Variants in DMD observed in about 807,000 individuals in gnomAD.
DMD encodes mutant dystrophin.
DMD carries 63 observed loss-of-function variants against 330.1 expected under a neutral mutation model. That is an observed-to-expected ratio of 0.19 (90% CI 0.16 to 0.24). DMD has a LOEUF of 0.24. DMD is among the 10% of genes least tolerant of loss of function. The pLI is 1.00. For synonymous variants in DMD, 1,223 were observed against 959.8 expected (o/e 1.27, Z -5.07); for missense variants, 3,344 against 2,684.1 (o/e 1.25, Z -5.43).
In DMD at chrX:32,045,083, T is replaced by C. The variant is rs1299281004; in HGVS notation, c.6439-76569A>G. Reference sequence around the variant, plus strand: ...GTGAGTGAGTTTTCATGAGATCTGGTTTTTTTTTAAAGTGTGTGGGCATCA... The same window carrying C: ...GTGAGTGAGTTTTCATGAGATCTGGCTTTTTTTTAAAGTGTGTGGGCATCA... On this transcript the variant is annotated intron_variant, in intron 44 of 78. Coordinates refer to ENST00000357033, the MANE Select transcript of DMD (RefSeq NM_004006.3). Among the ~76,000 whole-genome samples the C allele has an allele frequency of 5.7e-4, 60 of 105,425 alleles. No individual in the cohort carries two copies. The Admixed American group carries it at 5.7e-3, about 10-fold the overall frequency. The allele number at this position is 105,425 out of a possible 115,157, so 91.5% of individuals were successfully genotyped here. A position where few individuals can be genotyped will look rare whatever the true frequency, so the allele number is the denominator to read the frequency against.
intron 44 of DMD, among the ~76,000 whole-genome samples, chrX:31,996,364 G>A (rs1198054947): frequency 9.0e-6 from 1 of 111,474 alleles, no homozygotes; most frequent in African/African-American, 3.3e-5. Flanking sequence ...CACTAATTTA[G>A]TCTCCAAACA....
intron 44 of DMD, among the ~76,000 whole-genome samples, chrX:32,037,722 A>G (rs1297152015): frequency 9.0e-6 from 1 of 111,648 alleles, no homozygotes; most frequent in African/African-American, 3.3e-5. Flanking sequence ...CGTGCCATGC[A>G]CACGGTCAAT....
chrX:32,125,299 C>T (rs916715726), intron 44 of DMD, among the ~76,000 whole-genome samples: 1 of 111,151 alleles, frequency 9.0e-6, no homozygotes, highest in Non-Finnish European at 1.9e-5. Flanking sequence ...ATCAGTAGGA[C>T]CAGGTGACAG....
chrX:33,285,962 T>C, intron 1 of DMD, among the ~76,000 whole-genome samples: 1 of 112,185 alleles, frequency 8.9e-6, no homozygotes, highest in Non-Finnish European at 1.9e-5. Context: ...AAAGACATTA[T>C]TGATATTTAC....
At chrX:32,952,215 C>T (rs960741720) in intron 2 of DMD, among the ~76,000 whole-genome samples, 2 of 109,549 alleles carry the variant, frequency 1.8e-5, no homozygotes, top group African/African-American at 3.3e-5. Flanking sequence ...TTCACTGCAA[C>T]CTCTGCCTCC....
intron 64 of DMD, among the ~76,000 whole-genome samples, chrX:31,210,070 A>T (rs775774593): frequency 5.4e-5 from 6 of 111,986 alleles, no homozygotes; most frequent in Non-Finnish European, 9.4e-5. Context: ...AGAAATTTTT[A>T]AAGAGATCCG....
intron 67 of DMD, among the ~76,000 whole-genome samples, chrX:31,202,913 G>T (rs752627301): frequency 3.7e-4 from 42 of 112,484 alleles, no homozygotes; most frequent in Non-Finnish European, 7.1e-4. Flanking sequence ...ACACGCCTGA[G>T]AATTGATCCT....
chrX:32,190,245 T>C (rs1288584475), intron 44 of DMD, among the ~76,000 whole-genome samples: 1 of 110,597 alleles, frequency 9.0e-6, no homozygotes, highest in African/African-American at 3.3e-5. Context: ...CGTAGATCAA[T>C]TGTCATCTTC....
chrX:33,002,052 T>C (rs1040516159), intron 2 of DMD, among the ~76,000 whole-genome samples: 2 of 111,537 alleles, frequency 1.8e-5, no homozygotes, highest in African/African-American at 3.3e-5. Context: ...AGAAATTATA[T>C]TGCCTATTCA....
chrX:32,572,550 GTT>G (rs34204984), intron 15 of DMD, among the ~76,000 whole-genome samples: 9,729 of 96,662 alleles, frequency 0.1, 494 homozygotes, highest in Admixed American at 0.2. Context: ...AAACTTTAGA[GTT>G]TTTTTTTTTT....
chrX:32,014,538 T>C (rs768009848), intron 44 of DMD, among the ~76,000 whole-genome samples: 5 of 111,808 alleles, frequency 4.5e-5, no homozygotes, highest in African/African-American at 6.5e-5. Context: ...TCACATATTA[T>C]GACCTGGGAA....
At chrX:31,547,916 C>T (rs1452888188) in intron 55 of DMD, among the ~76,000 whole-genome samples, 1 of 111,826 alleles carries the variant, frequency 8.9e-6, no homozygotes, top group African/African-American at 3.2e-5. Flanking sequence ...CCATCTCTCC[C>T]TTTGGCCTCT....
At chrX:33,140,302 T>A (rs1170903706) in intron 1 of DMD, among the ~76,000 whole-genome samples, 1 of 112,031 alleles carries the variant, frequency 8.9e-6, no homozygotes, top group African/African-American at 3.2e-5. Flanking sequence ...TAAGGGACAG[T>A]GTACAGTTTG....
chrX:32,616,477 C>T (rs959314627), intron 11 of DMD, among the ~76,000 whole-genome samples: 1 of 110,681 alleles, frequency 9.0e-6, no homozygotes, highest in Non-Finnish European at 1.9e-5. Context: ...CTAGTTTTTG[C>T]TTTGGATTTT....
intron 60 of DMD, among the ~76,000 whole-genome samples, chrX:31,383,293 G>A (rs1442264407): frequency 2.7e-5 from 3 of 111,654 alleles, no homozygotes; most frequent in South Asian, 3.8e-4. Context: ...GACTCAGCTC[G>A]CCTGCGCCCA....
chrX:32,298,648 A>G (rs1195000841), intron 42 of DMD, among the ~76,000 whole-genome samples: 1 of 110,366 alleles, frequency 9.1e-6, no homozygotes, highest in Non-Finnish European at 1.9e-5. Flanking sequence ...CCCTTTCCAG[A>G]CCTCTTTTCT....
chrX:31,430,085 C>T (rs139979786), intron 60 of DMD, among the ~76,000 whole-genome samples: 62 of 110,889 alleles, frequency 5.6e-4, no homozygotes, highest in African/African-American at 1.8e-3. Flanking sequence ...CCTAAAATTG[C>T]GTAATATGAC....
chrX:32,041,710 C>T (rs2096004931), intron 44 of DMD, among the ~76,000 whole-genome samples: 1 of 110,446 alleles, frequency 9.1e-6, no homozygotes, highest in African/African-American at 3.3e-5. Flanking sequence ...TACATGCATC[C>T]ACTACATTCA....
chrX:32,229,715 TATATATATATAA>T (rs1397315542), intron 43 of DMD, among the ~76,000 whole-genome samples: 15 of 82,708 alleles, frequency 1.8e-4, no homozygotes, highest in African/African-American at 6.9e-4. Flanking sequence ...TATATATATA[TATATATATATAA>T]AATCAAAGAG....
Sources: allele counts gnomAD v4.1 joint callset (sites outside exome capture counted in the v4.1 genomes callset), GRCh38; gene constraint gnomAD v4.1.1; transcripts MANE v1.5; gene names NCBI Gene and HGNC (gene_info 2026-07-23, HGNC 2026-07-21).